The following SEMA3E variants were observed in gnomAD, a reference collection of about 807,000 sequenced individuals.
SEMA3E encodes semaphorin-3E.
In SEMA3E, 49 loss-of-function variants were observed where a neutral mutation model predicts 93.6. The ratio of observed to expected loss-of-function variants is 0.52; its 90% CI spans 0.42 to 0.66. The LOEUF is 0.66. Among genes scored for constraint, SEMA3E ranks in the 30% least tolerant of loss-of-function variants. The pLI is 0.00. For synonymous variants in SEMA3E, 363 were observed against 330.7 expected (o/e 1.10, Z -1.06); for missense variants, 906 against 964.8 (o/e 0.94, Z 0.81).
chr7:83,597,729 T>C (rs780705332), intron 1 of SEMA3E, among the ~76,000 whole-genome samples: 28 of 152,194 alleles, frequency 1.8e-4, no homozygotes, highest in Non-Finnish European at 4.0e-4. Flanking sequence ...GGTAAACTAA[T>C]ATGAATTCAT....
chr7:83,381,793 G>C (rs1787783751), intron 16 of SEMA3E, among the ~76,000 whole-genome samples: 1 of 151,884 alleles, frequency 6.6e-6, no homozygotes, highest in Non-Finnish European at 1.5e-5. Flanking sequence ...TGATATAGAA[G>C]TCATCTTGTA....
At chr7:83,414,916 A>T (rs1788511932) in intron 5 of SEMA3E, among the ~76,000 whole-genome samples, 1 of 152,098 alleles carries the variant, frequency 6.6e-6, no homozygotes, top group Non-Finnish European at 1.5e-5. Flanking sequence ...AAAAATGGCT[A>T]TAGAATTAAA....
intron 1 of SEMA3E, among the ~76,000 whole-genome samples, chr7:83,501,603 C>T (rs909057877): frequency 1.3e-5 from 2 of 152,152 alleles, no homozygotes; most frequent in Non-Finnish European, 2.9e-5. Context: ...CAGGTGGATG[C>T]CACCACACCC....
chr7:83,607,627 A>C (rs1181204059), intron 1 of SEMA3E, among the ~76,000 whole-genome samples: 1 of 152,346 alleles, frequency 6.6e-6, no homozygotes, highest in Admixed American at 6.5e-5. Context: ...GGAATACTAT[A>C]AGTATGATCA....
At chr7:83,444,944 T>C (rs747886574) in intron 4 of SEMA3E, among the ~76,000 whole-genome samples, 2 of 152,180 alleles carry the variant, frequency 1.3e-5, no homozygotes, top group Non-Finnish European at 2.9e-5. Context: ...GTGCTGGGAT[T>C]ACAGGCGTGA....
intron 1 of SEMA3E, among the ~76,000 whole-genome samples, chr7:83,526,534 G>C (rs539263204): frequency 1.4e-4 from 21 of 152,242 alleles, no homozygotes; most frequent in South Asian, 8.3e-4. Context: ...TGATATAGGT[G>C]CTTGGCACTT....
intron 1 of SEMA3E, among the ~76,000 whole-genome samples, chr7:83,548,858 G>A (rs1791704881): frequency 6.6e-6 from 1 of 152,022 alleles, no homozygotes; most frequent in South Asian, 2.1e-4. Context: ...GGTCCAATAA[G>A]GACCTATCTT....
chr7:83,534,604 A>T (rs1176042158), intron 1 of SEMA3E, among the ~76,000 whole-genome samples: 1 of 152,218 alleles, frequency 6.6e-6, no homozygotes, highest in African/African-American at 2.4e-5. Flanking sequence ...AAGCTGGTCT[A>T]CAGGAAGAGT....
intron 1 of SEMA3E, among the ~76,000 whole-genome samples, chr7:83,574,123 C>G (rs964500355): frequency 1.6e-4 from 24 of 151,968 alleles, no homozygotes; most frequent in Non-Finnish European, 3.1e-4. Flanking sequence ...AATATGAATG[C>G]AAACCAAATC....
intron 1 of SEMA3E, among the ~76,000 whole-genome samples, chr7:83,556,784 T>C (rs995235585): frequency 2.0e-5 from 3 of 152,192 alleles, no homozygotes; most frequent in Non-Finnish European, 2.9e-5. Flanking sequence ...GGTCTGGTCA[T>C]TGGGAGGTCA....
In SEMA3E at chr7:83,442,867, A is replaced by T. The variant is rs191889663; in HGVS notation, c.456+23615T>A. Among the ~76,000 whole-genome samples the T allele has an allele frequency of 1.6e-3, 239 of 152,222 alleles. 1 individual carries two copies. Among genetic ancestry groups the T allele is most frequent in the African/African-American group, 4.3e-3 (179 of 41,532 alleles). The stretch of plus-strand genomic sequence containing the variant: ...CAGGTAGAAGTATTTGAACTTTAGC[A>T]CTTTCCTCTAATTCTGCAGCATAGC... On this transcript the variant is annotated intron_variant, in intron 4 of 16. Coordinates refer to ENST00000643230, the MANE Select transcript of SEMA3E (RefSeq NM_012431.3).
chr7:83,498,422 A>G (rs1002777209), intron 1 of SEMA3E, among the ~76,000 whole-genome samples: 2 of 152,164 alleles, frequency 1.3e-5, no homozygotes, highest in Non-Finnish European at 2.9e-5. Flanking sequence ...TATCCATTTT[A>G]TTTATGAAAT....
chr7:83,447,900 G>C (rs994177344), intron 4 of SEMA3E, among the ~76,000 whole-genome samples: 3 of 152,110 alleles, frequency 2.0e-5, no homozygotes, highest in Admixed American at 1.3e-4. Flanking sequence ...TGTTAACACA[G>C]TGAGTCCTCT....
At chr7:83,390,941 T>A (rs1475218112) in intron 14 of SEMA3E, among the ~76,000 whole-genome samples, 1 of 152,200 alleles carries the variant, frequency 6.6e-6, no homozygotes, top group Non-Finnish European at 1.5e-5. Context: ...CAATTAAAAT[T>A]CATTATCACT....
intron 1 of SEMA3E, among the ~76,000 whole-genome samples, chr7:83,639,352 C>T (rs1345624265): frequency 2.0e-5 from 3 of 151,870 alleles, no homozygotes; most frequent in African/African-American, 7.3e-5. Flanking sequence ...AGACTTCCTG[C>T]AGGTGAATTA....
chr7:83,515,130 G>T (rs557752465), intron 1 of SEMA3E, among the ~76,000 whole-genome samples: 4 of 152,160 alleles, frequency 2.6e-5, no homozygotes, highest in Admixed American at 2.0e-4. Flanking sequence ...TGAGGAGACA[G>T]GAAATTCAGC....
At chr7:83,461,704 C>T (rs1240944664) in intron 4 of SEMA3E, among the ~76,000 whole-genome samples, 2 of 152,136 alleles carry the variant, frequency 1.3e-5, no homozygotes, top group African/African-American at 4.8e-5. Flanking sequence ...TTTTATTACC[C>T]AATCTGCTCC....
intron 1 of SEMA3E, among the ~76,000 whole-genome samples, chr7:83,505,817 C>T (rs1286665793): frequency 2.0e-5 from 3 of 151,736 alleles, no homozygotes; most frequent in Non-Finnish European, 2.9e-5. Flanking sequence ...AGATCGAGAA[C>T]ATCCTGGCTA....
At chr7:83,612,463 A>G (rs1034138552) in intron 1 of SEMA3E, 1 of 152,178 alleles carries the variant, frequency 6.6e-6, no homozygotes, top group Admixed American at 6.6e-5. Flanking sequence ...TATGGAAAAA[A>G]TAGGTATATC....
Sources: allele counts gnomAD v4.1 joint callset (sites outside exome capture counted in the v4.1 genomes callset), GRCh38; gene constraint gnomAD v4.1.1; transcripts MANE v1.5; gene names NCBI Gene and HGNC (gene_info 2026-07-23, HGNC 2026-07-21).